Variants in LGALS8 observed in about 807,000 individuals in gnomAD.
The protein encoded by LGALS8 is galectin 8, also known as galectin-8.
Under a neutral mutation model 35.9 loss-of-function variants are expected in LGALS8, and 30 were observed. The observed-to-expected ratio is 0.83, with a 90% confidence interval of 0.62 to 1.13. LGALS8 has a LOEUF of 1.13. LGALS8 is among the 50% of genes most tolerant of loss of function. The pLI, the probability that LGALS8 is intolerant of heterozygous loss-of-function variation, is 0.00. For missense variants in LGALS8, 366 were observed against 388.7 expected (o/e 0.94, Z 0.49); for synonymous variants, 138 against 136.1 (o/e 1.01, Z -0.10).
At position 236,548,034 on chromosome 1, in the gene LGALS8, G is replaced by C; in HGVS notation, c.827G>C (p.Arg276Thr). Reference sequence around the variant, plus strand: ...CAGATGATAATTTATTGTGATGTTAGAGAATTCAAGGTTGCAGTAAATGGC... The same window carrying C: ...CAGATGATAATTTATTGTGATGTTACAGAATTCAAGGTTGCAGTAAATGGC... ...YFEMIIYCDVREFKVAVNGVH... is the reference protein window; with the variant it reads ...YFEMIIYCDVTEFKVAVNGVH... The change falls in exon 10 of 10, where the codon AGA becomes ACA. Residue 276 changes from arginine to threonine, a missense_variant. Physicochemically the swap from Arg to Thr is moderately conservative, Grantham distance 71. Transcript: ENST00000366584. 6.2e-7 allele frequency: 1 copy of C among 1,611,530 alleles called. No individual in the cohort carries two copies. Among genetic ancestry groups the C allele is most frequent in the Non-Finnish European group, 8.5e-7 (1 of 1,177,690 alleles).
chr1:236,543,341 A>G (rs968162412), intron 7 of LGALS8: 1 of 678,724 alleles, frequency 1.5e-6, no homozygotes, highest in Non-Finnish European at 2.7e-6. Context: ...CCACCCTGTC[A>G]CTCATTTCAT....
intron 2 of LGALS8, among the ~76,000 whole-genome samples, chr1:236,535,184 T>C (rs1047452587): frequency 6.6e-6 from 1 of 152,004 alleles, no homozygotes; most frequent in Non-Finnish European, 1.5e-5. Context: ...TATCGATGCT[T>C]ATTATAGACA....
At chr1:236,535,339 A>G (rs955595097) in intron 2 of LGALS8, among the ~76,000 whole-genome samples, 13 of 151,916 alleles carry the variant, frequency 8.6e-5, no homozygotes, top group African/African-American at 2.7e-4. Context: ...TGTAGTAGGT[A>G]TATCTATTTA....
Position 236,524,093 on chromosome 1 carries a change from G to A in LGALS8, c.-104+32G>A, listed in dbSNP as rs928284812. On this transcript the variant is annotated intron_variant, in intron 1 of 9. Coordinates refer to ENST00000366584, the MANE Select transcript of LGALS8 (RefSeq NM_201544.4). ...CGCGCGACCCCCGGCCTCGGGTGGC[G>A]GGGCAGTCGCTAGAGGCGTGGCTGC... The A allele has an allele frequency of 4.8e-5, 22 of 456,008 alleles. No individual in the cohort carries two copies. The Admixed American group carries it at 4.9e-4, about 10-fold the overall frequency. The allele number at this position is 456,008 out of a possible 1,614,324, so 28.2% of individuals were successfully genotyped here. A position where few individuals can be genotyped will look rare whatever the true frequency, so the allele number is the denominator to read the frequency against.
At chr1:236,541,370 T>C (rs912677765) in intron 5 of LGALS8, 3 of 279,808 alleles carry the variant, frequency 1.1e-5, no homozygotes, top group African/African-American at 6.7e-5. Context: ...TGTCTTTGCA[T>C]TGAAAATTTT....
At chr1:236,534,880 G>A (rs1661371594) in intron 2 of LGALS8, among the ~76,000 whole-genome samples, 1 of 151,886 alleles carries the variant, frequency 6.6e-6, no homozygotes, top group African/African-American at 2.4e-5. Flanking sequence ...GGCCAACATG[G>A]CAAAACCCCA....
intron 4 of LGALS8, 47 bp downstream of exon 4, chr1:236,539,136 G>A (rs1166548078): frequency 7.1e-7 from 1 of 1,415,136 alleles, no homozygotes; most frequent in South Asian, 1.1e-5. Flanking sequence ...GTGAGCAGGA[G>A]TGCACAGGGG....
rs1661922114 is a variant in LGALS8 at position 236,540,552 on chromosome 1, G to T, written c.346-12G>T. The T allele has an allele frequency of 3.2e-6, 5 of 1,548,940 alleles. No individual in the cohort carries two copies. The highest frequency in any genetic ancestry group is 1.4e-5 in the African/African-American group (1 of 71,748). On this transcript the variant is annotated splice_polypyrimidine_tract_variant and intron_variant, in intron 4 of 9. Coordinates refer to ENST00000366584, the MANE Select transcript of LGALS8 (RefSeq NM_201544.4). ...GGTGGCGGGGGGGGCTCTGTCTTCT[G>T]TATCTCTCTAGGTGGCTGTAAATGG...
chr1:236,549,485 T>A lies in LGALS8; in HGVS notation c.*1324T>A, dbSNP rs540979649. 314 of 152,730 alleles carry A rather than the reference T, an allele frequency of 2.1e-3. 2 individuals are homozygous for A. The highest frequency in any genetic ancestry group is 3.4e-3 in the Middle Eastern group (1 of 294). 9.5% of individuals were successfully genotyped at this position (152,730 alleles called of 1,614,324 possible). A position where few individuals can be genotyped will look rare whatever the true frequency, so the allele number is the denominator to read the frequency against. On this transcript the variant is annotated 3_prime_UTR_variant, in exon 10 of 10. Transcript: ENST00000366584. ...ATATTTTCAGAACAGATTTTAGATA[T>A]TATTTCTATCCATATATTGAAAAGA...
chr1:236,535,255 C>A (rs1409978036), intron 2 of LGALS8, among the ~76,000 whole-genome samples: 1 of 151,722 alleles, frequency 6.6e-6, no homozygotes, highest in Admixed American at 6.6e-5. Flanking sequence ...CCCATGAAAA[C>A]TATTGTTATC....
rs114214013 is a variant in LGALS8, at chr1:236,543,613, C to T, written c.603C>T (p.Val201=). 1.6e-3 allele frequency: 2,569 copies of T among 1,613,984 alleles called. 16 individuals are homozygous for T. The East Asian group carries it at 0.019, about 12-fold the overall frequency. Residue 201 remains valine, a synonymous_variant, in exon 8 of 10, where the codon GTC becomes GTT. Transcript: ENST00000366584. ...LNTPMGPGRT[V]VVKGEVNANA... ...CCCCCATGGGCCCTGGACGAACTGT[C>T]GTCGTTAAAGGAGAAGTGAATGCAA...
At chr1:236,539,747 C>T (rs577661488) in intron 4 of LGALS8, among the ~76,000 whole-genome samples, 1 of 152,196 alleles carries the variant, frequency 6.6e-6, no homozygotes, top group African/African-American at 2.4e-5. Context: ...TGCTCCTGCC[C>T]GAAAGTCTTT....
At chr1:236,530,627 C>G (rs1661092178) in intron 2 of LGALS8, among the ~76,000 whole-genome samples, 1 of 152,174 alleles carries the variant, frequency 6.6e-6, no homozygotes, top group Admixed American at 6.5e-5. Flanking sequence ...AAACTTGCAT[C>G]TTCCTTCCCA....
Position 236,544,808 on chromosome 1 carries a change from C to T in LGALS8, c.697C>T (p.Arg233Cys), listed in dbSNP as rs769554222. 52 of 1,613,652 alleles carry T rather than the reference C, an allele frequency of 3.2e-5. No homozygotes were observed. Among genetic ancestry groups the T allele is most frequent in the East Asian group, 6.7e-5 (3 of 44,884 alleles). The change falls in exon 9 of 10, where the codon CGC becomes TGC. Residue 233 changes from arginine (R) to cysteine (C), a missense_variant. By Grantham distance (180) the Arg-to-Cys change is radical. Coordinates refer to ENST00000366584, the MANE Select transcript of LGALS8 (RefSeq NM_201544.4). ...GGATATTGCTCTACACTTGAACCCA[C>T]GCCTGAATATTAAAGCATTTGTAAG... Reference protein sequence around the residue: ...SKDIALHLNPRLNIKAFVRNS... With the variant: ...SKDIALHLNPCLNIKAFVRNS...
intron 4 of LGALS8, among the ~76,000 whole-genome samples, chr1:236,539,434 A>G (rs963474054): frequency 6.6e-5 from 10 of 152,238 alleles, no homozygotes; most frequent in Admixed American, 3.9e-4. Context: ...AAGAGCTAAC[A>G]AGGGCAATCC....
In LGALS8 at chr1:236,537,025, T is replaced by TTTTTG. The variant is rs902968738; in HGVS notation, c.46-468_46-467insGTTTT. Among the ~76,000 whole-genome samples the TTTTTG allele has an allele frequency of 8.5e-4, 121 of 142,148 alleles. 4 individuals carry two copies. In the South Asian group the frequency reaches 0.026, roughly 31 times the overall value. The allele number at this position is 142,148 out of a possible 152,430, so 93.3% of individuals were successfully genotyped here. On this transcript the variant is annotated intron_variant, in intron 2 of 9. Transcript: ENST00000366584. ...TGGCCATGAGGTATGCAGTTCCTTT[T>TTTTTG]TTTTTTTTTGAGACGGAGCCTTGCT...
chr1:236,545,005 C>T (rs1662276012), intron 9 of LGALS8, 90 bp downstream of exon 9: 2 of 1,013,312 alleles, frequency 2.0e-6, no homozygotes, highest in Non-Finnish European at 2.9e-6. Flanking sequence ...AGTCCTAACT[C>T]AGTATGTGGA....
chr1:236,545,920 A>G (rs1662333561), intron 9 of LGALS8, among the ~76,000 whole-genome samples: 1 of 152,136 alleles, frequency 6.6e-6, no homozygotes, highest in Non-Finnish European at 1.5e-5. Context: ...GCAAGAGTCA[A>G]GGCGCAAAGG....
upstream of LGALS8, among the ~76,000 whole-genome samples, chr1:236,520,245 A>C (rs144341270): frequency 7.1e-3 from 1,081 of 152,074 alleles, 11 homozygotes; most frequent in African/African-American, 0.024. Context: ...GAGTGAGCCA[A>C]CGTGCCTGGT....
Sources: allele counts gnomAD v4.1 joint callset (sites outside exome capture counted in the v4.1 genomes callset), GRCh38; gene constraint gnomAD v4.1.1; transcripts MANE v1.5; gene names NCBI Gene and HGNC (gene_info 2026-07-23, HGNC 2026-07-21).